PRKCE: variants seen among roughly 807,000 people sequenced by gnomAD.
PRKCE encodes the protein protein kinase C epsilon type.
PRKCE carries 16 observed loss-of-function variants against 85.4 expected under a neutral mutation model. The ratio of observed to expected loss-of-function variants is 0.19; its 90% CI spans 0.13 to 0.28. PRKCE has a LOEUF of 0.28. Ranked by LOEUF, PRKCE falls within the 10% of genes least tolerant of loss-of-function variation. PRKCE has a pLI of 1.00. For missense variants in PRKCE, 573 were observed against 975.2 expected, an observed-to-expected ratio of 0.59 and a Z score of 5.49; for synonymous variants, 388 against 371.5, an observed-to-expected ratio of 1.04 and a Z score of -0.51.
At chr2:46,016,177 C>A (rs77652094) in intron 10 of PRKCE, among the ~76,000 whole-genome samples, 6,501 of 152,212 alleles carry the variant, frequency 0.043, 172 homozygotes, top group Non-Finnish European at 0.066. Flanking sequence ...TTATTCTAAT[C>A]AGCCAATTAA....
Position 45,652,028 on chromosome 2 carries a change from C to T in PRKCE, c.-73C>T, listed in dbSNP as rs954214615. 25 of 1,221,622 alleles carry T rather than the reference C, an allele frequency of 2.0e-5. No individual in the cohort carries two copies. The highest frequency in any genetic ancestry group is 2.9e-5 in the Non-Finnish European group (25 of 870,352). The allele number at this position is 1,221,622 out of a possible 1,614,324, so 75.7% of individuals were successfully genotyped here. A position where few individuals can be genotyped will look rare whatever the true frequency, so the allele number is the denominator to read the frequency against. On this transcript the variant is annotated 5_prime_UTR_variant, in exon 1 of 15. Transcript: ENST00000306156. This position sits in a 1 kb window ranked among gnomAD's most constrained non-coding sequence, Gnocchi z 7.7. ...CCAAGAGTCCCTGTGGCTCGGAGTG[C>T]CGGGCCGTCGGTTCTTCATTCCTGC... is the stretch of plus-strand genomic sequence containing the variant.
At chr2:45,936,156 T>C (rs544770975) in intron 2 of PRKCE, among the ~76,000 whole-genome samples, 6 of 152,300 alleles carry the variant, frequency 3.9e-5, no homozygotes, top group African/African-American at 1.2e-4. Flanking sequence ...AAGGATGCTA[T>C]GGCGACCCAC....
In PRKCE at chr2:45,774,817, C is replaced by T. The variant is rs1685622035; in HGVS notation, c.349-68183C>T. Among the ~76,000 whole-genome samples the T allele has an allele frequency of 6.6e-6, 1 of 152,164 alleles. No individual in the cohort carries two copies. Among genetic ancestry groups the T allele is most frequent in the South Asian group, 2.1e-4 (1 of 4,828 alleles). ...GGGCCAGTGCACCCTTTCCCGTGTG[C>T]CTGGGAGTCTCAGTCCTGCTCCTCC... is the stretch of plus-strand genomic sequence containing the variant. On this transcript the variant is annotated intron_variant, in intron 1 of 14. Coordinates refer to ENST00000306156, the MANE Select transcript of PRKCE (RefSeq NM_005400.3). This position sits in a 1 kb window ranked among gnomAD's most constrained non-coding sequence, Gnocchi z 4.3.
intron 10 of PRKCE, among the ~76,000 whole-genome samples, chr2:46,038,942 T>C (rs937152660): frequency 2.0e-5 from 3 of 152,192 alleles, no homozygotes; most frequent in Non-Finnish European, 2.9e-5. Context: ...AGCGCCAATA[T>C]AGTTCCTGGC....
intron 14 of PRKCE, among the ~76,000 whole-genome samples, chr2:46,182,727 A>T (rs1170055178): frequency 6.6e-6 from 1 of 152,202 alleles, no homozygotes; most frequent in Non-Finnish European, 1.5e-5. Context: ...AGTTGAAAAC[A>T]GTCCCCCGCG....
At position 45,817,869 on chromosome 2, in the gene PRKCE, G is replaced by A. The variant is rs913241738; in HGVS notation, c.349-25131G>A. 2.0e-5 allele frequency among the ~76,000 whole-genome samples: 3 copies of A among 152,164 alleles called. 1 individual carries two copies. The South Asian group carries it at 6.2e-4, about 32-fold the overall frequency. ...CTCTGCCTGCCCTCTGAAGGTGAGA[G>A]GAGCCACGTGGGCATCTCACTGCCT... On this transcript the variant is annotated intron_variant, in intron 1 of 14. Coordinates refer to ENST00000306156, the MANE Select transcript of PRKCE (RefSeq NM_005400.3).
chr2:46,173,122 C>T (rs1481263910), intron 14 of PRKCE, among the ~76,000 whole-genome samples: 1 of 152,248 alleles, frequency 6.6e-6, no homozygotes, highest in African/African-American at 2.4e-5. Flanking sequence ...AGCCCACCAC[C>T]TGCTTTTGTG....
At chr2:45,725,454 A>G (rs1321456172) in intron 1 of PRKCE, among the ~76,000 whole-genome samples, 1 of 152,242 alleles carries the variant, frequency 6.6e-6, no homozygotes, top group African/African-American at 2.4e-5. Context: ...TTTAAGAAAT[A>G]CATTTCATAA....
chr2:46,094,069 A>G (rs910659807), intron 11 of PRKCE, among the ~76,000 whole-genome samples: 1 of 152,116 alleles, frequency 6.6e-6, no homozygotes, highest in Non-Finnish European at 1.5e-5. Context: ...TCCTTTTAGC[A>G]TGTTTAGGTA....
chr2:45,908,697 G>A (rs1697165413), intron 2 of PRKCE, among the ~76,000 whole-genome samples: 1 of 152,128 alleles, frequency 6.6e-6, no homozygotes, highest in African/African-American at 2.4e-5. Flanking sequence ...CTCACACTCA[G>A]GTTTCTCAAC....
chr2:45,820,440 C>A (rs948270974), intron 1 of PRKCE, among the ~76,000 whole-genome samples: 1 of 151,772 alleles, frequency 6.6e-6, no homozygotes, highest in African/African-American at 2.4e-5. Context: ...GAGGAATGAA[C>A]TGTGCTAAGG....
In PRKCE at chr2:45,759,813, G is replaced by T. The variant is rs143282623; in HGVS notation, c.349-83187G>T. Among the ~76,000 whole-genome samples, 158 of 152,330 alleles carry T rather than the reference G, an allele frequency of 1.0e-3. 1 individual carries two copies. Among genetic ancestry groups the T allele is most frequent in the African/African-American group, 3.7e-3 (152 of 41,570 alleles). ...GCTTAGGAGTCCGGCATTCAGAGAT[G>T]CAGGGAGGGGCGGTGGAATCTCTTG... On this transcript the variant is annotated intron_variant, in intron 1 of 14. Coordinates refer to ENST00000306156, the MANE Select transcript of PRKCE (RefSeq NM_005400.3).
At chr2:45,707,549 G>T (rs562417495) in intron 1 of PRKCE, among the ~76,000 whole-genome samples, 1 of 152,322 alleles carries the variant, frequency 6.6e-6, no homozygotes, top group South Asian at 2.1e-4. Flanking sequence ...CTCGAAGCTG[G>T]TCCTGTGACT....
rs1337620851 is a variant in PRKCE at position 46,185,967 on chromosome 2, A to G, written c.*1086A>G. 2 of 152,442 alleles carry G rather than the reference A, an allele frequency of 1.3e-5. No individual in the cohort carries two copies. The highest frequency in any genetic ancestry group is 4.8e-5 in the African/African-American group (2 of 41,470). The allele number at this position is 152,442 out of a possible 1,614,324, so 9.4% of individuals were successfully genotyped here. A position where few individuals can be genotyped will look rare whatever the true frequency, so the allele number is the denominator to read the frequency against. On this transcript the variant is annotated 3_prime_UTR_variant, in exon 15 of 15. Coordinates refer to ENST00000306156, the MANE Select transcript of PRKCE (RefSeq NM_005400.3). This position sits in a 1 kb window ranked among gnomAD's most constrained non-coding sequence, Gnocchi z 4.7. ...TTTTAAACATTAAACATGTAAAGTTATATACGAAATATCTGCTTTTGGAAT... is the reference window on the plus strand; with the variant it reads ...TTTTAAACATTAAACATGTAAAGTTGTATACGAAATATCTGCTTTTGGAAT...
At chr2:45,654,306 C>T (rs1675280428) in intron 1 of PRKCE, among the ~76,000 whole-genome samples, 1 of 152,256 alleles carries the variant, frequency 6.6e-6, no homozygotes, top group Admixed American at 6.5e-5. Context: ...TCCCCACCTT[C>T]ATCCCTCCTA....
chr2:45,917,348 T>G (rs1697876931), intron 2 of PRKCE, among the ~76,000 whole-genome samples: 1 of 152,056 alleles, frequency 6.6e-6, no homozygotes, highest in Non-Finnish European at 1.5e-5. Context: ...TTACAAACCT[T>G]GAGCTAGATA....
At chr2:45,964,227 C>A (rs934549362) in intron 2 of PRKCE, among the ~76,000 whole-genome samples, 10 of 152,200 alleles carry the variant, frequency 6.6e-5, no homozygotes, top group Non-Finnish European at 1.0e-4. Flanking sequence ...TGGGGACAGG[C>A]AGAGACCCTA....
At chr2:46,020,871 G>A (rs1220159172) in intron 10 of PRKCE, among the ~76,000 whole-genome samples, 1 of 152,218 alleles carries the variant, frequency 6.6e-6, no homozygotes, top group African/African-American at 2.4e-5. Flanking sequence ...CACCTATTAT[G>A]TGGCAAGCCT....
intron 2 of PRKCE, among the ~76,000 whole-genome samples, chr2:45,945,136 G>A (rs901491943): frequency 6.6e-6 from 1 of 152,188 alleles, no homozygotes; most frequent in African/African-American, 2.4e-5. Flanking sequence ...CAGTTTCAGA[G>A]GAACACCTGG....
Sources: gnomAD v4.1 joint callset for allele counts (sites outside exome capture counted in the v4.1 genomes callset) on GRCh38, gnomAD v4.1.1 for gene constraint, Gnocchi (gnomAD v3.1) non-coding constraint, MANE v1.5 for transcripts, NCBI Gene and HGNC (gene_info 2026-07-23, HGNC 2026-07-21) for gene names.